NTRK3: variants seen among roughly 807,000 people sequenced by gnomAD.
NTRK3 encodes the protein neurotrophic receptor tyrosine kinase 3, also known as NT-3 growth factor receptor.
A neutral mutation model predicts 91.7 loss-of-function variants in NTRK3; 24 were observed. The ratio of observed to expected loss-of-function variants is 0.26; its 90% confidence interval spans 0.19 to 0.37. The LOEUF (loss-of-function observed/expected upper bound fraction) is 0.37, where lower values mean the gene tolerates loss of function less well. Among genes scored for constraint, NTRK3 ranks in the 10% least tolerant of loss-of-function variants. The pLI is 1.00. For synonymous variants in NTRK3, 483 were observed against 404.0 expected, an observed-to-expected ratio of 1.20 and a Z score of -2.34; for missense variants, 880 against 1,068.9, an observed-to-expected ratio of 0.82 and a Z score of 2.46.
intron 13 of NTRK3, among the ~76,000 whole-genome samples, chr15:88,103,044 G>A (rs2050340671): frequency 6.6e-6 from 1 of 152,210 alleles, no homozygotes; most frequent in South Asian, 2.1e-4. Flanking sequence ...AATAACCTGT[G>A]TTACAGATAT....
rs144600774 is a variant in NTRK3 at position 88,113,891 on chromosome 15, C to T, written c.1396+12380G>A. 3.7e-3 allele frequency among the ~76,000 whole-genome samples: 569 copies of T among 152,294 alleles called. 10 individuals carry two copies. The highest frequency in any genetic ancestry group is 2.5e-3 in the East Asian group (13 of 5,182). On this transcript the variant is annotated intron_variant, in intron 13 of 18. Transcript: ENST00000394480. ...CTGATCTACACAATAGTTTCTCAAACTTTAATGGCAGTATGACCACCCAGC... is the reference window on the plus strand; with the variant it reads ...CTGATCTACACAATAGTTTCTCAAATTTTAATGGCAGTATGACCACCCAGC...
chr15:88,251,774 C>CCAGG (rs2053406958), intron 3 of NTRK3, among the ~76,000 whole-genome samples: 1 of 152,238 alleles, frequency 6.6e-6, no homozygotes, highest in South Asian at 2.1e-4. Flanking sequence ...TCCTGTTCAG[C>CCAGG]CAGGCAGGAG....
chr15:87,995,698 T>G (rs1226104197), intron 14 of NTRK3, among the ~76,000 whole-genome samples: 1 of 152,148 alleles, frequency 6.6e-6, no homozygotes, highest in African/African-American at 2.4e-5. Context: ...CTGGTCTAGC[T>G]AGGGCAGGGG....
intron 14 of NTRK3, among the ~76,000 whole-genome samples, chr15:87,966,461 C>T (rs1273297459): frequency 1.3e-5 from 2 of 152,288 alleles, no homozygotes; most frequent in East Asian, 3.9e-4. Context: ...CTCTTCCACC[C>T]CCATCTTCCA....
At chr15:87,936,784 C>A (rs917565007) in intron 15 of NTRK3, among the ~76,000 whole-genome samples, 3 of 152,182 alleles carry the variant, frequency 2.0e-5, no homozygotes, top group Non-Finnish European at 2.9e-5. Flanking sequence ...GTGAGAGTCT[C>A]ACACAACTTT....
At chr15:88,011,468 C>T (rs1320655092) in intron 14 of NTRK3, among the ~76,000 whole-genome samples, 2 of 152,152 alleles carry the variant, frequency 1.3e-5, no homozygotes, top group Non-Finnish European at 2.9e-5. Context: ...GGGGCATTTG[C>T]TACCTTCCTA....
exon 19 of NTRK3, chr15:87,865,998 T>C (rs2064665528): frequency 4.3e-6 from 1 of 231,468 alleles, no homozygotes; most frequent in African/African-American, 2.2e-5. Flanking sequence ...CCAGCAAGAC[T>C]GTATGCAACT....
rs73456361 is a variant in NTRK3, at chr15:87,944,900, T to G, written c.1586-4147A>C. Among the ~76,000 whole-genome samples the G allele has an allele frequency of 4.5e-3, 684 of 152,362 alleles. 7 individuals are homozygous for G. Among genetic ancestry groups the G allele is most frequent in the African/African-American group, 0.016 (649 of 41,590 alleles). ...TCCACGCGTCTATTTGGGTCCCTGC[T>G]TCTGCATGCTTTTAGCTCACACAGT... is the stretch of plus-strand genomic sequence containing the variant. On this transcript the variant is annotated intron_variant, in intron 14 of 18. Coordinates refer to ENST00000394480, the Ensembl canonical transcript of NTRK3.
intron 18 of NTRK3, 86 bp from the exon 20 acceptor site, chr15:87,877,206 C>T: frequency 7.1e-7 from 1 of 1,400,930 alleles, no homozygotes; most frequent in Admixed American, 1.9e-5. Flanking sequence ...CAACAACTTC[C>T]CGGATTAGTT....
In NTRK3 at chr15:88,033,210, A is replaced by ATATATATATG. The variant is rs1301860999; in HGVS notation, c.1397-166_1397-165insCATATATATA. 3.5e-3 allele frequency among the ~76,000 whole-genome samples: 426 copies of ATATATATATG among 121,266 alleles called. 13 individuals are homozygous for ATATATATATG. The highest frequency in any genetic ancestry group is 0.014 in the African/African-American group (395 of 28,562). 79.6% of individuals were successfully genotyped at this position (121,266 alleles called of 152,430 possible). Reference sequence around the variant, plus strand: ...TATATATATATATATATATATATATATATATAAATTCAGTTGTTTGGGTTT... The same window carrying ATATATATATG: ...TATATATATATATATATATATATATATATATATATGTATATAAATTCAGTTGTTTGGGTTT... On this transcript the variant is annotated intron_variant, in intron 13 of 18. Coordinates refer to ENST00000394480, the Ensembl canonical transcript of NTRK3.
intron 14 of NTRK3, among the ~76,000 whole-genome samples, chr15:87,951,445 G>A (rs2071096882): frequency 6.6e-6 from 1 of 152,176 alleles, no homozygotes; most frequent in Admixed American, 6.5e-5. Context: ...TTATACTAAG[G>A]CATAAAATTC....
intron 6 of NTRK3, among the ~76,000 whole-genome samples, chr15:88,139,999 A>G (rs539803379): frequency 1.3e-5 from 2 of 152,088 alleles, no homozygotes; most frequent in South Asian, 4.1e-4. Flanking sequence ...GAGGTGTGAA[A>G]ACAGAAAAGA....
At position 88,243,149 on chromosome 15, in the gene NTRK3, A is replaced by G. The variant is rs536005260; in HGVS notation, c.248+12757T>C. On this transcript the variant is annotated intron_variant, in intron 3 of 18. Coordinates refer to ENST00000394480, the Ensembl canonical transcript of NTRK3. The surrounding 1 kb of genome is among the most constrained non-coding windows in gnomAD (Gnocchi z 4.8). ...TTTCTTGCTCCTGAGTGCCTCAAAG[A>G]CAAGGTTTCTGCCAAGAGAATAAAA... Among the ~76,000 whole-genome samples, 19 of 152,270 alleles carry G rather than the reference A, an allele frequency of 1.2e-4. No individual in the cohort carries two copies. Among genetic ancestry groups the G allele is most frequent in the Admixed American group, 5.9e-4 (9 of 15,286 alleles).
chr15:87,873,894 T>C (rs935863666), exon 19 of NTRK3: 6 of 230,482 alleles, frequency 2.6e-5, no homozygotes, highest in African/African-American at 8.9e-5. Flanking sequence ...CCAGGCCCAG[T>C]GAGCCTTCAG....
intron 13 of NTRK3, among the ~76,000 whole-genome samples, chr15:88,058,786 T>A (rs568055531): frequency 6.6e-6 from 1 of 152,294 alleles, no homozygotes; most frequent in South Asian, 2.1e-4. Flanking sequence ...GAGCTACATG[T>A]CAGATTCCAG....
chr15:88,095,764 T>C (rs1002259578), intron 13 of NTRK3, among the ~76,000 whole-genome samples: 1 of 152,134 alleles, frequency 6.6e-6, no homozygotes, highest in Admixed American at 6.5e-5. Flanking sequence ...GAAGCTTGGA[T>C]ACTCCAATTG....
At chr15:88,131,039 A>G (rs1304542479) in intron 10 of NTRK3, among the ~76,000 whole-genome samples, 1 of 152,098 alleles carries the variant, frequency 6.6e-6, no homozygotes, top group Non-Finnish European at 1.5e-5. Flanking sequence ...TTCAAAATGA[A>G]AAGTTAAAAA....
In NTRK3 at chr15:88,233,558, A is replaced by G. The variant is rs2051402834; in HGVS notation, c.248+22348T>C. Among the ~76,000 whole-genome samples, 1 of 152,112 alleles carries G rather than the reference A, an allele frequency of 6.6e-6. No homozygotes were observed. Among genetic ancestry groups the G allele is most frequent in the South Asian group, 2.1e-4 (1 of 4,822 alleles). Reference sequence around the variant, plus strand: ...GCAGAGACTCCCCCAAGGACTTCCTAGTTGCCACAGGCCTCCTTAATTTGC... The same window carrying G: ...GCAGAGACTCCCCCAAGGACTTCCTGGTTGCCACAGGCCTCCTTAATTTGC... On this transcript the variant is annotated intron_variant, in intron 3 of 18. Transcript: ENST00000394480. This position sits in a 1 kb window ranked among gnomAD's most constrained non-coding sequence, Gnocchi z 4.2.
At chr15:88,245,697 T>TACACAC in intron 3 of NTRK3, among the ~76,000 whole-genome samples, 1 of 151,224 alleles carries the variant, frequency 6.6e-6, no homozygotes, top group African/African-American at 2.4e-5. Context: ...AAAATAGTTT[T>TACACAC]ACACACACAC....
Sources: gnomAD v4.1 joint callset for allele counts (sites outside exome capture counted in the v4.1 genomes callset) on GRCh38, gnomAD v4.1.1 for gene constraint, Gnocchi (gnomAD v3.1) non-coding constraint, MANE v1.5 for transcripts, NCBI Gene and HGNC (gene_info 2026-07-23, HGNC 2026-07-21) for gene names.